AUTS2: variants seen among roughly 807,000 people sequenced by gnomAD.
AUTS2 encodes the protein autism susceptibility gene 2 protein.
AUTS2 carries 17 observed loss-of-function variants against 112.4 expected under a neutral mutation model. The observed-to-expected ratio is 0.15, with a 90% CI of 0.10 to 0.23. The LOEUF is 0.23. AUTS2 is among the 10% of genes least tolerant of loss of function. AUTS2 has a pLI of 1.00. For missense variants in AUTS2, 1,510 were observed against 1,701.6 expected (o/e 0.89, Z 1.98); for synonymous variants, 751 against 702.7 (o/e 1.07, Z -1.09).
At chr7:69,990,323 A>G (rs1343784876) in intron 2 of AUTS2, among the ~76,000 whole-genome samples, 1 of 152,212 alleles carries the variant, frequency 6.6e-6, no homozygotes, top group Admixed American at 6.5e-5. Context: ...GAAGGGAAAT[A>G]TGCTTACCAA....
chr7:69,726,292 T>C (rs918791860), intron 1 of AUTS2, among the ~76,000 whole-genome samples: 1 of 152,244 alleles, frequency 6.6e-6, no homozygotes, highest in Non-Finnish European at 1.5e-5. Context: ...AATGGAATTA[T>C]ACAAGTATGT....
intron 1 of AUTS2, among the ~76,000 whole-genome samples, chr7:69,802,147 C>T (rs963573464): frequency 1.5e-4 from 23 of 152,162 alleles, no homozygotes; most frequent in Non-Finnish European, 3.2e-4. Flanking sequence ...GCAAATGTTT[C>T]CTGTCTTTGG....
At chr7:69,603,291 A>C (rs1792535529) in intron 1 of AUTS2, among the ~76,000 whole-genome samples, 1 of 152,184 alleles carries the variant, frequency 6.6e-6, no homozygotes, top group South Asian at 2.1e-4. Context: ...TGACTCCATG[A>C]TTTTGTTCTG....
At chr7:69,649,023 G>C (rs2129130294) in intron 1 of AUTS2, among the ~76,000 whole-genome samples, 1 of 152,296 alleles carries the variant, frequency 6.6e-6, no homozygotes, top group East Asian at 1.9e-4. Context: ...CAACATTTAG[G>C]CTGGAACCCA....
At chr7:70,165,631 C>G (rs1326930554) in intron 4 of AUTS2, among the ~76,000 whole-genome samples, 1 of 152,150 alleles carries the variant, frequency 6.6e-6, no homozygotes, top group East Asian at 1.9e-4. Flanking sequence ...CAGAACAGGT[C>G]TATCTGAAGA....
intron 5 of AUTS2, among the ~76,000 whole-genome samples, chr7:70,661,918 A>G (rs1807097585): frequency 1.3e-5 from 2 of 152,292 alleles, no homozygotes; most frequent in Admixed American, 1.3e-4. Context: ...AATACTAACA[A>G]CCACCCAGAA....
At chr7:69,776,023 C>G (rs1197773965) in intron 1 of AUTS2, among the ~76,000 whole-genome samples, 1 of 152,132 alleles carries the variant, frequency 6.6e-6, no homozygotes, top group African/African-American at 2.4e-5. Context: ...TTGGGTCACT[C>G]CTGTGGTCTC....
intron 12 of AUTS2, chr7:70,775,002 A>AG: frequency 3.7e-6 from 1 of 267,720 alleles, no homozygotes. Context: ...TTTAAAAGCC[A>AG]GGGGTCTGAA....
intron 4 of AUTS2, among the ~76,000 whole-genome samples, chr7:70,163,355 G>GT (rs1308660234): frequency 1.2e-5 from 1 of 84,620 alleles, no homozygotes; most frequent in Non-Finnish European, 2.8e-5. Context: ...GGGGGGGGGG[G>GT]GGGCAGAGGG....
At chr7:70,518,439 T>C (rs1799506397) in intron 5 of AUTS2, among the ~76,000 whole-genome samples, 1 of 152,112 alleles carries the variant, frequency 6.6e-6, no homozygotes, top group Non-Finnish European at 1.5e-5. Flanking sequence ...TCCCAGCACT[T>C]TGGGAGACCA....
In AUTS2 at chr7:70,273,127, C is replaced by T. The variant is rs182115815; in HGVS notation, c.660+138556C>T. Among the ~76,000 whole-genome samples, 15 of 152,252 alleles carry T rather than the reference C, an allele frequency of 9.9e-5. No homozygotes were observed. The East Asian group carries it at 2.7e-3, about 27-fold the overall frequency. On this transcript the variant is annotated intron_variant, in intron 4 of 18. Coordinates refer to ENST00000342771, the MANE Select transcript of AUTS2 (RefSeq NM_015570.4). ...GCAGTGGCACGATCTTGGCTCACTG[C>T]AACCTCCACCTCCTAGGCTCAAACA... is the stretch of plus-strand genomic sequence containing the variant.
chr7:70,608,491 A>C (rs1033942096), intron 5 of AUTS2, among the ~76,000 whole-genome samples: 1 of 152,204 alleles, frequency 6.6e-6, no homozygotes, highest in African/African-American at 2.4e-5. Context: ...ATAGTGTAGC[A>C]GTGACTATTT....
At chr7:69,777,979 A>G (rs1788966924) in intron 1 of AUTS2, among the ~76,000 whole-genome samples, 1 of 152,200 alleles carries the variant, frequency 6.6e-6, no homozygotes, top group African/African-American at 2.4e-5. Flanking sequence ...AATAAATATT[A>G]ATGAAGCAGT....
At chr7:70,649,202 T>C (rs1806345284) in intron 5 of AUTS2, among the ~76,000 whole-genome samples, 1 of 148,416 alleles carries the variant, frequency 6.7e-6, no homozygotes, top group Non-Finnish European at 1.5e-5. Context: ...ACCTTTAGAT[T>C]AGAAGTTTGA....
At chr7:70,491,998 A>G (rs1171669384) in intron 5 of AUTS2, among the ~76,000 whole-genome samples, 1 of 152,116 alleles carries the variant, frequency 6.6e-6, no homozygotes, top group Non-Finnish European at 1.5e-5. Flanking sequence ...TCACAGGCCT[A>G]GGTGTGGTGT....
chr7:70,264,330 C>A (rs895060211), intron 4 of AUTS2, among the ~76,000 whole-genome samples: 1 of 152,134 alleles, frequency 6.6e-6, no homozygotes, highest in Non-Finnish European at 1.5e-5. Flanking sequence ...GCCTCAGCCT[C>A]CCGAGTAGCT....
chr7:70,633,076 G>A (rs1805350912), intron 5 of AUTS2, among the ~76,000 whole-genome samples: 2 of 152,188 alleles, frequency 1.3e-5, no homozygotes, highest in Non-Finnish European at 2.9e-5. Context: ...GCCCCATGGG[G>A]TAGAGGGCAA....
intron 1 of AUTS2, among the ~76,000 whole-genome samples, chr7:69,706,287 C>T (rs1798057022): frequency 6.6e-6 from 1 of 152,212 alleles, no homozygotes; most frequent in Non-Finnish European, 1.5e-5. Flanking sequence ...TGTCCTGGAA[C>T]ATTCTGTGCT....
chr7:69,659,413 A>G (rs918927494), intron 1 of AUTS2, among the ~76,000 whole-genome samples: 2 of 151,020 alleles, frequency 1.3e-5, no homozygotes, highest in East Asian at 1.9e-4. Context: ...CTCTTATTAA[A>G]TAATTTAAAG....
Sources: allele counts gnomAD v4.1 joint callset (sites outside exome capture counted in the v4.1 genomes callset), GRCh38; gene constraint gnomAD v4.1.1; transcripts MANE v1.5; gene names NCBI Gene and HGNC (gene_info 2026-07-23, HGNC 2026-07-21).